The following SLC71A2 variants were observed in gnomAD, a reference collection of about 807,000 sequenced individuals.
The protein encoded by SLC71A2 is hippocampus abundant transcript-like 1.
the SLC71A2 span, among the ~76,000 whole-genome samples, chr9:94,382,971 C>T: frequency 2.6e-5 from 4 of 152,114 alleles, no homozygotes; most frequent in Non-Finnish European, 4.4e-5. Context: ...GGATTACAGG[C>T]GTGAGTCATT....
At chr9:94,437,989 C>T in the SLC71A2 span, among the ~76,000 whole-genome samples, 1 of 151,814 alleles carries the variant, frequency 6.6e-6, no homozygotes, top group South Asian at 2.1e-4. Flanking sequence ...AGTACAAAGG[C>T]GTGATCTTGG....
chr9:94,450,736 G>A, the SLC71A2 span, among the ~76,000 whole-genome samples: 1 of 152,212 alleles, frequency 6.6e-6, no homozygotes, highest in East Asian at 1.9e-4. Context: ...TGATCCGCCT[G>A]CCTTGGCCTC....
the SLC71A2 span, among the ~76,000 whole-genome samples, chr9:94,397,978 A>G: frequency 6.6e-6 from 1 of 152,272 alleles, no homozygotes; most frequent in African/African-American, 2.4e-5. Context: ...TGTGCAGCCC[A>G]CGCTTTCAGA....
At chr9:94,443,303 A>G in the SLC71A2 span, among the ~76,000 whole-genome samples, 1 of 152,202 alleles carries the variant, frequency 6.6e-6, no homozygotes, top group South Asian at 2.1e-4. Context: ...AGCAGAAGCA[A>G]CTCAGCATGC....
the SLC71A2 span, among the ~76,000 whole-genome samples, chr9:94,439,541 GA>G: frequency 8.7e-6 from 1 of 114,902 alleles, no homozygotes; most frequent in Non-Finnish European, 1.8e-5. Flanking sequence ...CCTATTAATA[GA>G]TTTTTTTTTT....
the SLC71A2 span, among the ~76,000 whole-genome samples, chr9:94,400,371 G>T: frequency 6.6e-6 from 1 of 151,828 alleles, no homozygotes; most frequent in Non-Finnish European, 1.5e-5. Context: ...GAACTCATTG[G>T]AGACAAATAT....
chr9:94,397,500 GA>G, the SLC71A2 span, among the ~76,000 whole-genome samples: 413 of 145,214 alleles, frequency 2.8e-3, 1 homozygote, highest in African/African-American at 9.4e-3. Flanking sequence ...AAAAAAAAAG[GA>G]AAAAAAAAAT....
At chr9:94,388,666 A>G in the SLC71A2 span, among the ~76,000 whole-genome samples, 1 of 151,876 alleles carries the variant, frequency 6.6e-6, no homozygotes, top group Non-Finnish European at 1.5e-5. Flanking sequence ...ACATTTATAT[A>G]TTTGCATGGA....
At chr9:94,380,006 G>A in the SLC71A2 span, among the ~76,000 whole-genome samples, 2 of 152,172 alleles carry the variant, frequency 1.3e-5, no homozygotes, top group Admixed American at 6.5e-5. Flanking sequence ...GGTGGCTTAC[G>A]CCTATAATCC....
chr9:94,410,439 G>A, the SLC71A2 span, among the ~76,000 whole-genome samples: 4 of 151,844 alleles, frequency 2.6e-5, no homozygotes, highest in Non-Finnish European at 5.9e-5. Flanking sequence ...GGTTCTTGCT[G>A]TGTTGCCCAG....
the SLC71A2 span, among the ~76,000 whole-genome samples, chr9:94,399,852 C>CT: frequency 6.7e-6 from 1 of 149,794 alleles, no homozygotes; most frequent in African/African-American, 2.5e-5. Context: ...GTTGCCCAGG[C>CT]TGGAGTGCAA....
At chr9:94,450,980 T>G in the SLC71A2 span, among the ~76,000 whole-genome samples, 1 of 152,120 alleles carries the variant, frequency 6.6e-6, no homozygotes, top group Non-Finnish European at 1.5e-5. Flanking sequence ...ATTTAACTGG[T>G]CTCCAGTGGT....
chr9:94,402,099 C>G, the SLC71A2 span, among the ~76,000 whole-genome samples: 1 of 152,140 alleles, frequency 6.6e-6, no homozygotes, highest in South Asian at 2.1e-4. Flanking sequence ...TTTACTGTAA[C>G]CTGCTTTATC....
the SLC71A2 span, among the ~76,000 whole-genome samples, chr9:94,447,931 C>T: frequency 6.6e-6 from 1 of 152,040 alleles, no homozygotes; most frequent in African/African-American, 2.4e-5. Flanking sequence ...AGATTGGTTT[C>T]TTTCAATTAA....
chr9:94,391,034 AGG>A, the SLC71A2 span, among the ~76,000 whole-genome samples: 22 of 151,946 alleles, frequency 1.4e-4, no homozygotes, highest in African/African-American at 4.6e-4. Context: ...ATTGATAAGG[AGG>A]CAAAACCTTG....
At chr9:94,445,273 C>T in the SLC71A2 span, 7 of 1,005,884 alleles carry the variant, frequency 7.0e-6, no homozygotes, top group African/African-American at 1.6e-5. Context: ...AGGATCCTAG[C>T]AGTTGTTGAC....
chr9:94,418,597 G>A, the SLC71A2 span, among the ~76,000 whole-genome samples: 2 of 151,620 alleles, frequency 1.3e-5, no homozygotes, highest in South Asian at 2.1e-4. Flanking sequence ...CACCACGTCC[G>A]ACTAATTTTT....
the SLC71A2 span, among the ~76,000 whole-genome samples, chr9:94,431,088 G>A: frequency 4.6e-5 from 7 of 152,118 alleles, no homozygotes; most frequent in East Asian, 1.9e-4. Context: ...CAAGGCAGGC[G>A]GATCACGAGA....
chr9:94,385,009 T>G, the SLC71A2 span, among the ~76,000 whole-genome samples: 2 of 151,944 alleles, frequency 1.3e-5, no homozygotes, highest in Non-Finnish European at 2.9e-5. Context: ...GAGAAGGCAC[T>G]GGCCAGATGC....
Sources: gnomAD v4.1 joint callset for allele counts (sites outside exome capture counted in the v4.1 genomes callset) on GRCh38, gnomAD v4.1.1 for gene constraint, MANE v1.5 for transcripts, NCBI Gene and HGNC (gene_info 2026-07-23, HGNC 2026-07-21) for gene names.